The following PCDH15 variants were observed in gnomAD, a reference collection of about 807,000 sequenced individuals.
PCDH15 encodes protocadherin-15.
In PCDH15, 129 loss-of-function variants were observed where a neutral mutation model predicts 178.5. That is an observed-to-expected ratio of 0.72 (90% CI 0.63 to 0.84). PCDH15 has a LOEUF of 0.84. Among genes scored for constraint, PCDH15 ranks in the 40% least tolerant of loss-of-function variants. The pLI is 0.00. For synonymous variants in PCDH15, 800 were observed against 732.0 expected, an observed-to-expected ratio of 1.09 and a Z score of -1.50; for missense variants, 2,230 against 2,099.9, an observed-to-expected ratio of 1.06 and a Z score of -1.21.
intron 2 of PCDH15, among the ~76,000 whole-genome samples, chr10:55,615,046 T>C (rs1305819219): frequency 6.6e-6 from 1 of 152,172 alleles, no homozygotes; most frequent in East Asian, 1.9e-4. Flanking sequence ...ATTGGGTTAT[T>C]TGGAAAATTG....
chr10:54,383,879 C>G (rs61855477), intron 3 of PCDH15, among the ~76,000 whole-genome samples: 4 of 151,506 alleles, frequency 2.6e-5, no homozygotes, highest in African/African-American at 9.7e-5. Flanking sequence ...AGTGCAGTGG[C>G]GCAATCTCGG....
intron 2 of PCDH15, among the ~76,000 whole-genome samples, chr10:54,908,974 AG>A (rs1334951714): frequency 6.6e-6 from 1 of 152,006 alleles, no homozygotes; most frequent in Non-Finnish European, 1.5e-5. Flanking sequence ...AGCTCTCAGC[AG>A]AAAGGGTAAC....
intron 2 of PCDH15, among the ~76,000 whole-genome samples, chr10:54,982,584 G>A (rs1051604981): frequency 6.6e-6 from 1 of 152,112 alleles, no homozygotes; most frequent in Non-Finnish European, 1.5e-5. Flanking sequence ...AAATATGTAT[G>A]AACTATCCTA....
At chr10:54,624,008 A>G (rs2093467234) in intron 2 of PCDH15, among the ~76,000 whole-genome samples, 2 of 152,188 alleles carry the variant, frequency 1.3e-5, no homozygotes, top group African/African-American at 2.4e-5. Context: ...GAAAGAACAG[A>G]GAGTACATGT....
At chr10:55,349,224 A>G (rs1844844892) in intron 2 of PCDH15, among the ~76,000 whole-genome samples, 2 of 152,146 alleles carry the variant, frequency 1.3e-5, no homozygotes, top group Non-Finnish European at 2.9e-5. Flanking sequence ...GTGAAGTCCC[A>G]GTGTCCTCTA....
chr10:54,481,815 GTTTTTAATTTTTATACAAGC>G (rs1246360556), intron 3 of PCDH15, among the ~76,000 whole-genome samples: 1 of 151,448 alleles, frequency 6.6e-6, no homozygotes, highest in East Asian at 1.9e-4. Context: ...TTTTTCAATA[GTTTTTAATTTTTATACAAGC>G]TTTGGTCAGT....
At chr10:55,242,165 T>A (rs1396335468) in intron 1 of PCDH15, among the ~76,000 whole-genome samples, 1 of 152,192 alleles carries the variant, frequency 6.6e-6, no homozygotes, top group Admixed American at 6.5e-5. Flanking sequence ...AGAATGTTAT[T>A]TCTTCTTAGT....
chr10:54,756,056 A>AAC lies in PCDH15; in HGVS notation c.-29+44867_-29+44868dup, dbSNP rs71014414. On this transcript the variant is annotated intron_variant, in intron 1 of 37. Transcript: ENST00000644397. The stretch of plus-strand genomic sequence containing the variant: ...TGGTGAAACCCCCGTCTCTACTAAA[A>AAC]ACACACACACACACACACACACACA... Among the ~76,000 whole-genome samples, 537 of 71,716 alleles carry AAC rather than the reference A, an allele frequency of 7.5e-3. 2 individuals are homozygous for AAC. Among genetic ancestry groups the AAC allele is most frequent in the African/African-American group, 0.022 (496 of 22,732 alleles). The allele number at this position is 71,716 out of a possible 152,430, so 47.0% of individuals were successfully genotyped here.
chr10:54,473,473 C>T (rs1565365639), intron 3 of PCDH15, among the ~76,000 whole-genome samples: 1 of 152,066 alleles, frequency 6.6e-6, no homozygotes, highest in Non-Finnish European at 1.5e-5. Context: ...TCGTCTGTCT[C>T]TCTGTTTCTG....
chr10:55,299,316 G>C (rs1350271462), intron 1 of PCDH15, among the ~76,000 whole-genome samples: 2 of 152,098 alleles, frequency 1.3e-5, no homozygotes, highest in Non-Finnish European at 2.9e-5. Context: ...GCAATGTGTT[G>C]TGGCTTTTTT....
At chr10:55,375,316 A>G (rs1008121555) in intron 2 of PCDH15, among the ~76,000 whole-genome samples, 10 of 152,226 alleles carry the variant, frequency 6.6e-5, no homozygotes, top group African/African-American at 2.2e-4. Context: ...TCGATTTTTA[A>G]GTGATTTTTT....
intron 1 of PCDH15, among the ~76,000 whole-genome samples, chr10:54,711,521 A>G (rs1429229655): frequency 1.3e-5 from 2 of 151,940 alleles, no homozygotes; most frequent in East Asian, 1.9e-4. Context: ...AAATCTGCTC[A>G]TGTATCACAT....
At chr10:55,296,508 A>G (rs1843135781) in intron 1 of PCDH15, among the ~76,000 whole-genome samples, 1 of 152,170 alleles carries the variant, frequency 6.6e-6, no homozygotes, top group Non-Finnish European at 1.5e-5. Context: ...AGGTTTTTGA[A>G]GCTCTTGTGT....
In PCDH15 at chr10:55,441,593, T is replaced by C. The variant is rs534480003; in HGVS notation, c.-156+186032A>G. Among the ~76,000 whole-genome samples, 45 of 152,230 alleles carry C rather than the reference T, an allele frequency of 3.0e-4. 1 individual carries two copies. The highest frequency in any genetic ancestry group is 1.5e-5 in the Non-Finnish European group (1 of 68,002). On this transcript the variant is annotated intron_variant, in intron 2 of 5. Transcript: ENST00000613346. ...TCTAAGACCTCTTTCCTACCCACAC[T>C]AAGACACAGTCTCATATATTTTCAA...
In PCDH15 at chr10:53,961,893, CTAAAA is replaced by C. The variant is rs752879165; in HGVS notation, c.2869-6_2869-2del. On this transcript the variant is annotated splice_acceptor_variant and splice_polypyrimidine_tract_variant and intron_variant, in intron 21 of 37. Transcript: ENST00000644397. LOFTEE classifies it high-confidence loss of function. Reference sequence around the variant, plus strand: ...ACCTCACACGACTTGCAGGTAATCCCTAAAATAAAATTATTAATTATTAATTTGCT... The same window carrying C: ...ACCTCACACGACTTGCAGGTAATCCCTAAAATTATTAATTATTAATTTGCT... The C allele has an allele frequency of 2.5e-6, 4 of 1,604,884 alleles. No homozygotes were observed. In the East Asian group the frequency reaches 9.0e-5, roughly 36 times the overall value.
At chr10:54,244,592 T>G (rs1251553478) in intron 8 of PCDH15, among the ~76,000 whole-genome samples, 1 of 152,250 alleles carries the variant, frequency 6.6e-6, no homozygotes, top group African/African-American at 2.4e-5. Flanking sequence ...AACTCAAACC[T>G]GAGAATATGC....
intron 2 of PCDH15, among the ~76,000 whole-genome samples, chr10:55,489,284 A>G (rs955059557): frequency 6.6e-6 from 1 of 151,610 alleles, no homozygotes; most frequent in African/African-American, 2.4e-5. Flanking sequence ...ATTTCTGCCA[A>G]TAGTAAATGT....
chr10:54,825,495 G>A (rs1046125869), intron 3 of PCDH15, among the ~76,000 whole-genome samples: 22 of 146,702 alleles, frequency 1.5e-4, no homozygotes, highest in African/African-American at 5.5e-4. Context: ...CACCAACAGT[G>A]TAAAAGTGTT....
chr10:54,791,183 A>G (rs556319754), intron 1 of PCDH15, among the ~76,000 whole-genome samples: 1 of 151,958 alleles, frequency 6.6e-6, no homozygotes, highest in Non-Finnish European at 1.5e-5. Context: ...AAGGGCCCAG[A>G]GCTCTTCTTT....
Sources: gnomAD v4.1 joint callset for allele counts (sites outside exome capture counted in the v4.1 genomes callset) on GRCh38, gnomAD v4.1.1 for gene constraint, MANE v1.5 for transcripts, NCBI Gene and HGNC (gene_info 2026-07-23, HGNC 2026-07-21) for gene names.